The following UNC5C variants were observed in gnomAD, a reference collection of about 807,000 sequenced individuals.
UNC5C encodes the protein netrin receptor UNC5C.
Under a neutral mutation model 99.8 loss-of-function variants are expected in UNC5C, and 47 were observed. The ratio of observed to expected loss-of-function variants is 0.47; its 90% CI spans 0.37 to 0.60. UNC5C has a LOEUF of 0.60. Among genes scored for constraint, UNC5C ranks in the 20% least tolerant of loss-of-function variants. The pLI, the probability that UNC5C is intolerant of heterozygous loss-of-function variation, is 0.00. For synonymous variants in UNC5C, 487 were observed against 452.2 expected (o/e 1.08, Z -0.98); for missense variants, 1,062 against 1,165.9 (o/e 0.91, Z 1.30).
rs1745308804 is a variant in UNC5C at position 95,389,929 on chromosome 4, A to C, written c.125-54298T>G. Among the ~76,000 whole-genome samples, 3 of 152,162 alleles carry C rather than the reference A, an allele frequency of 2.0e-5. No homozygotes were observed. In the South Asian group the frequency reaches 6.2e-4, roughly 32 times the overall value. On this transcript the variant is annotated intron_variant, in intron 1 of 15. Transcript: ENST00000453304. ...CGCTTTTTTAGTGTGAGTACAAGAA[A>C]ACTTAAAATTAAGTATGTAGTGCCC...
intron 4 of UNC5C, among the ~76,000 whole-genome samples, chr4:95,259,658 A>G (rs1740146987): frequency 6.6e-6 from 1 of 152,212 alleles, no homozygotes; most frequent in Non-Finnish European, 1.5e-5. Flanking sequence ...AGGTATTAAC[A>G]TTTTAATTAA....
rs375814949 is a variant in UNC5C at position 95,270,549 on chromosome 4, T to G, written c.594+7710A>C. 1.2e-4 allele frequency among the ~76,000 whole-genome samples: 18 copies of G among 152,348 alleles called. No individual in the cohort carries two copies. In the South Asian group the frequency reaches 3.7e-3, roughly 32 times the overall value. ...ATTTGTTTTCCTGCTGGGGAAACAC[T>G]CTCTTAATTGCACATATGTCTAGCT... is the stretch of plus-strand genomic sequence containing the variant. On this transcript the variant is annotated intron_variant, in intron 4 of 15. Coordinates refer to ENST00000453304, the MANE Select transcript of UNC5C (RefSeq NM_003728.4).
At chr4:95,325,872 A>G (rs1742864558) in intron 2 of UNC5C, among the ~76,000 whole-genome samples, 1 of 152,160 alleles carries the variant, frequency 6.6e-6, no homozygotes, top group Non-Finnish European at 1.5e-5. Context: ...ATGCACATAC[A>G]GCTGACACTC....
In UNC5C at chr4:95,183,138, A is replaced by C. The variant is rs577683874; in HGVS notation, c.2287-77T>G. On this transcript the variant is annotated intron_variant, in intron 13 of 15. Coordinates refer to ENST00000453304, the MANE Select transcript of UNC5C (RefSeq NM_003728.4). ...ACTCTCAGATGGTCTGCTGCCAGGT[A>C]CTCTGAGTATCACACCTGTGGCCTC... is the stretch of plus-strand genomic sequence containing the variant. 2.5e-5 allele frequency: 35 copies of C among 1,418,542 alleles called. No individual in the cohort carries two copies. The African/African-American group carries it at 4.8e-4, about 19-fold the overall frequency. The allele number at this position is 1,418,542 out of a possible 1,614,324, so 87.9% of individuals were successfully genotyped here.
intron 1 of UNC5C, among the ~76,000 whole-genome samples, chr4:95,474,292 A>T (rs183993925): frequency 6.6e-6 from 1 of 152,012 alleles, no homozygotes; most frequent in East Asian, 2.0e-4. Flanking sequence ...TCATACATGT[A>T]ATTTTTCTTA....
chr4:95,504,950 T>G (rs954939535), intron 1 of UNC5C, among the ~76,000 whole-genome samples: 5 of 152,182 alleles, frequency 3.3e-5, no homozygotes, highest in African/African-American at 1.2e-4. Context: ...CTTCTATATT[T>G]TTAAGGTGTT....
chr4:95,342,441 G>A (rs2149424608), intron 1 of UNC5C, among the ~76,000 whole-genome samples: 1 of 152,192 alleles, frequency 6.6e-6, no homozygotes, highest in East Asian at 1.9e-4. Flanking sequence ...TGAAGGGAAG[G>A]ACCAAGTCCT....
At position 95,306,738 on chromosome 4, in the gene UNC5C, C is replaced by T. The variant is rs146300912; in HGVS notation, c.347-4989G>A. ...GGAAGTTTTAAGATATCATGTTGTGCAGGCCTGGCAATTTGGCTTTCTCCA... is the reference window on the plus strand; with the variant it reads ...GGAAGTTTTAAGATATCATGTTGTGTAGGCCTGGCAATTTGGCTTTCTCCA... On this transcript the variant is annotated intron_variant, in intron 2 of 15. Coordinates refer to ENST00000453304, the MANE Select transcript of UNC5C (RefSeq NM_003728.4). 1.2e-3 allele frequency among the ~76,000 whole-genome samples: 189 copies of T among 152,220 alleles called. 1 individual carries two copies. Among genetic ancestry groups the T allele is most frequent in the African/African-American group, 4.3e-3 (179 of 41,528 alleles).
At chr4:95,236,502 C>A (rs2149375732) in intron 7 of UNC5C, among the ~76,000 whole-genome samples, 1 of 151,604 alleles carries the variant, frequency 6.6e-6, no homozygotes, top group South Asian at 2.1e-4. Context: ...TTAATGGGTG[C>A]AGCACACGAA....
chr4:95,246,374 T>C (rs1739502295), intron 5 of UNC5C, among the ~76,000 whole-genome samples: 1 of 150,870 alleles, frequency 6.6e-6, no homozygotes, highest in Admixed American at 6.6e-5. Context: ...CTGGGCAACA[T>C]AGCAACACCC....
At chr4:95,329,134 A>T (rs117316325) in intron 2 of UNC5C, among the ~76,000 whole-genome samples, 2 of 152,202 alleles carry the variant, frequency 1.3e-5, no homozygotes, top group East Asian at 1.9e-4. Context: ...TCTACAAAAA[A>T]TGAAAAATTA....
intron 3 of UNC5C, among the ~76,000 whole-genome samples, chr4:95,294,316 T>C (rs1197550018): frequency 6.6e-6 from 1 of 152,178 alleles, no homozygotes; most frequent in Non-Finnish European, 1.5e-5. Flanking sequence ...GTCACAAATG[T>C]AGTTATTCTC....
intron 1 of UNC5C, among the ~76,000 whole-genome samples, chr4:95,526,386 G>A (rs1292770479): frequency 6.6e-6 from 1 of 152,044 alleles, no homozygotes; most frequent in Non-Finnish European, 1.5e-5. Context: ...TAGATAGACA[G>A]ACATGTAGGT....
intron 4 of UNC5C, among the ~76,000 whole-genome samples, chr4:95,264,354 T>C (rs2149387966): frequency 6.6e-6 from 1 of 152,282 alleles, no homozygotes; most frequent in South Asian, 2.1e-4. Context: ...CACTGGTAAC[T>C]TTCTAATATT....
At chr4:95,356,222 A>C (rs920050796) in intron 1 of UNC5C, among the ~76,000 whole-genome samples, 6 of 136,158 alleles carry the variant, frequency 4.4e-5, no homozygotes, top group South Asian at 4.5e-4. Flanking sequence ...ACAAAACAAA[A>C]AAAAAACAGA....
intron 1 of UNC5C, among the ~76,000 whole-genome samples, chr4:95,480,853 G>A (rs1283963380): frequency 6.6e-5 from 10 of 151,758 alleles, no homozygotes; most frequent in South Asian, 2.1e-4. Context: ...TTGATGGGAC[G>A]TATCTCAAAA....
At chr4:95,200,144 C>T (rs967062807) in intron 12 of UNC5C, among the ~76,000 whole-genome samples, 7 of 152,182 alleles carry the variant, frequency 4.6e-5, no homozygotes, top group Non-Finnish European at 7.3e-5. Context: ...CTGGAGCCTG[C>T]TTCCCAGTGG....
chr4:95,182,056 C>A (rs925522019), intron 14 of UNC5C, among the ~76,000 whole-genome samples: 1 of 152,172 alleles, frequency 6.6e-6, no homozygotes, highest in Admixed American at 6.5e-5. Context: ...CTTTTGGCTT[C>A]TTCTCTTCCC....
At chr4:95,517,116 C>T (rs1722238035) in intron 1 of UNC5C, among the ~76,000 whole-genome samples, 1 of 152,052 alleles carries the variant, frequency 6.6e-6, no homozygotes, top group Non-Finnish European at 1.5e-5. Context: ...AGCATATGAA[C>T]CGTGCTTTAA....
Sources: allele counts gnomAD v4.1 joint callset (sites outside exome capture counted in the v4.1 genomes callset), GRCh38; gene constraint gnomAD v4.1.1; transcripts MANE v1.5; gene names NCBI Gene and HGNC (gene_info 2026-07-23, HGNC 2026-07-21).